The following CNTROB variants were observed in gnomAD, a reference collection of about 807,000 sequenced individuals.
CNTROB encodes the protein centrobin.
Under a neutral mutation model 115.7 loss-of-function variants are expected in CNTROB, and 82 were observed. The ratio of observed to expected loss-of-function variants is 0.71; its 90% CI spans 0.59 to 0.85. The LOEUF (loss-of-function observed/expected upper bound fraction) is 0.85, where lower values mean the gene tolerates loss of function less well. Among genes scored for constraint, CNTROB ranks in the 40% least tolerant of loss-of-function variants. The pLI, the probability that CNTROB is intolerant of heterozygous loss-of-function variation, is 0.00. For missense variants in CNTROB, 1,014 were observed against 1,144.4 expected (o/e 0.89, Z 1.64); for synonymous variants, 439 against 456.4 (o/e 0.96, Z 0.49).
At chr17:7,935,291 C>T in intron 4 of CNTROB, 146 bp downstream of exon 4, 2 of 1,250,452 alleles carry the variant, frequency 1.6e-6, no homozygotes, top group Non-Finnish European at 2.2e-6. Flanking sequence ...ATCACGAGGT[C>T]AGGAGATCGA....
intron 7 of CNTROB, among the ~76,000 whole-genome samples, chr17:7,938,562 C>T (rs934778829): frequency 4.6e-5 from 7 of 152,152 alleles, no homozygotes; most frequent in Non-Finnish European, 7.3e-5. Context: ...TTACTATGTG[C>T]CTGATGCCGT....
At position 7,935,130 on chromosome 17, in the gene CNTROB, G is replaced by A; in HGVS notation, c.579G>A (p.Glu193=). 1.2e-6 allele frequency: 2 copies of A among 1,613,434 alleles called. No homozygotes were observed. The highest frequency in any genetic ancestry group is 1.7e-6 in the Non-Finnish European group (2 of 1,179,982). ...FQGLRDALDS[E]HTRRKHCERH... ...GGCTGAGAGATGCATTGGATTCAGA[G>A]CATACCCGCCGCAAGGTAAGATGCA... The change falls in exon 4 of 19, where the codon GAG becomes GAA. Residue 193 remains glutamate, a synonymous_variant. Transcript: ENST00000563694.
At position 7,948,494 on chromosome 17, in the gene CNTROB, T is replaced by C; in HGVS notation, c.2388T>C (p.Asp796=). The part of the protein sequence containing the change: ...PSSGSPERGG[D]GLTFPRQLME... ...TATTGCGATGTCTGTCAGGTGGAGA[T>C]GGGCTTACATTCCCAAGGCAGCTGA... The change falls in exon 17 of 19, where the codon GAT becomes GAC. Residue 796 remains aspartate, a synonymous_variant. Transcript: ENST00000563694. This position sits in a 1 kb window ranked among gnomAD's most constrained non-coding sequence, Gnocchi z 4.4. The C allele has an allele frequency of 6.2e-7, 1 of 1,614,058 alleles. No homozygotes were observed. The highest frequency in any genetic ancestry group is 8.5e-7 in the Non-Finnish European group (1 of 1,180,010).
Position 7,944,334 on chromosome 17 carries a change from C to A in CNTROB, c.1571+86C>A. ...ACTGGGAACGGTGAAGAGCTGCTCC[C>A]TTGATTGATCTGTCCTCCTCTACAT... On this transcript the variant is annotated intron_variant, in intron 11 of 18. Coordinates refer to ENST00000563694, the MANE Select transcript of CNTROB (RefSeq NM_053051.5). This position sits in a 1 kb window ranked among gnomAD's most constrained non-coding sequence, Gnocchi z 4.0. The A allele has an allele frequency of 6.4e-7, 1 of 1,555,006 alleles. No homozygotes were observed. Among genetic ancestry groups the A allele is most frequent in the Non-Finnish European group, 8.9e-7 (1 of 1,126,890 alleles).
Position 7,949,696 on chromosome 17 carries a change from C to A in CNTROB, c.*186C>A, listed in dbSNP as rs1433567836. On this transcript the variant is annotated 3_prime_UTR_variant, in exon 19 of 19. Transcript: ENST00000563694. Reference sequence around the variant, plus strand: ...TATGTTACATGTTTATATGTCATTTCCTGTGGGAAAAGACATGAATGCTTT... The same window carrying A: ...TATGTTACATGTTTATATGTCATTTACTGTGGGAAAAGACATGAATGCTTT... The A allele has an allele frequency of 4.0e-6, 2 of 505,656 alleles. No individual in the cohort carries two copies. The highest frequency in any genetic ancestry group is 4.1e-5 in the Admixed American group (1 of 24,594). 31.3% of individuals were successfully genotyped at this position (505,656 alleles called of 1,614,324 possible). A position where few individuals can be genotyped will look rare whatever the true frequency, so the allele number is the denominator to read the frequency against.
At chr17:7,937,847 C>G (rs987101079) in intron 7 of CNTROB, among the ~76,000 whole-genome samples, 8 of 152,050 alleles carry the variant, frequency 5.3e-5, no homozygotes, top group Middle Eastern at 6.8e-3. Flanking sequence ...ATTTCTGGGA[C>G]TCACCTGCAG....
chr17:7,940,258 T>C lies in CNTROB; in HGVS notation c.1311+16T>C. 6.3e-7 allele frequency: 1 copy of C among 1,579,476 alleles called. No individual in the cohort carries two copies. The highest frequency in any genetic ancestry group is 2.3e-5 in the East Asian group (1 of 43,690). ...CTTGGTGCAGGTCAGAAGGCAGAGG[T>C]TTCTTGAGGTTTTGTTCTGACAGAA... On this transcript the variant is annotated intron_variant, in intron 9 of 18. Transcript: ENST00000563694.
In CNTROB at chr17:7,939,815, G is replaced by T; in HGVS notation, c.1164+66G>T. 1 of 1,431,652 alleles carries T rather than the reference G, an allele frequency of 7.0e-7. No individual in the cohort carries two copies. Among genetic ancestry groups the T allele is most frequent in the Non-Finnish European group, 9.8e-7 (1 of 1,018,138 alleles). 88.7% of individuals were successfully genotyped at this position (1,431,652 alleles called of 1,614,324 possible). ...GATGAAGGGCAAAATAATTGAATGG[G>T]ATGGAATGTTAGAATATGGGGGATA... On this transcript the variant is annotated intron_variant, in intron 8 of 18. Coordinates refer to ENST00000563694, the MANE Select transcript of CNTROB (RefSeq NM_053051.5). The surrounding 1 kb of genome is among the most constrained non-coding windows in gnomAD (Gnocchi z 4.4).
intron 14 of CNTROB, 56 bp downstream of exon 14, chr17:7,947,778 C>CT: frequency 1.2e-6 from 2 of 1,600,774 alleles, no homozygotes; most frequent in Non-Finnish European, 1.7e-6. Flanking sequence ...CTCCTTTCCT[C>CT]TTTCTGCTCT....
In CNTROB at chr17:7,948,095, G is replaced by T; in HGVS notation, c.2210-62G>T. On this transcript the variant is annotated intron_variant, in intron 15 of 18. Coordinates refer to ENST00000563694, the MANE Select transcript of CNTROB (RefSeq NM_053051.5). This position sits in a 1 kb window ranked among gnomAD's most constrained non-coding sequence, Gnocchi z 4.4. ...TAATAAAGCCTTATAAATGCTGGGTGGTGGGACTTCCTTGGTTCTATGCCC... is the reference window on the plus strand; with the variant it reads ...TAATAAAGCCTTATAAATGCTGGGTTGTGGGACTTCCTTGGTTCTATGCCC... 6.2e-7 allele frequency: 1 copy of T among 1,602,884 alleles called. No individual in the cohort carries two copies. Among genetic ancestry groups the T allele is most frequent in the South Asian group, 1.1e-5 (1 of 90,816 alleles).
At position 7,943,067 on chromosome 17, in the gene CNTROB, C is replaced by A. The variant is rs1299719321; in HGVS notation, c.1312-324C>A. On this transcript the variant is annotated intron_variant, in intron 9 of 18. Coordinates refer to ENST00000563694, the MANE Select transcript of CNTROB (RefSeq NM_053051.5). The surrounding 1 kb of genome is among the most constrained non-coding windows in gnomAD (Gnocchi z 4.7). Reference sequence around the variant, plus strand: ...CCGCCCGTCTCGGCCTCCCAAAGTGCTAGGATTACAGGCGTGAGCCACCGC... The same window carrying A: ...CCGCCCGTCTCGGCCTCCCAAAGTGATAGGATTACAGGCGTGAGCCACCGC... Among the ~76,000 whole-genome samples, 1 of 151,862 alleles carries A rather than the reference C, an allele frequency of 6.6e-6. No individual in the cohort carries two copies. The highest frequency in any genetic ancestry group is 1.5e-5 in the Non-Finnish European group (1 of 67,976).
chr17:7,934,201 A>G lies in CNTROB; in HGVS notation c.334A>G (p.Thr112Ala). ...VRGQLQTMLQ[T>A]SRDTAYRDPL... ...GGGTCAGCTCCAGACCATGCTCCAA[A>G]CCTCACGTGATACAGCCTATCGTGA... Residue 112 changes from threonine to alanine, a missense_variant, in exon 2 of 19, where the codon ACC becomes GCC. Thr to Ala is a moderately conservative substitution (Grantham distance 58). Transcript: ENST00000563694. 1 of 1,614,084 alleles carries G rather than the reference A, an allele frequency of 6.2e-7. No individual in the cohort carries two copies. The highest frequency in any genetic ancestry group is 2.2e-5 in the East Asian group (1 of 44,884).
chr17:7,938,843 A>G lies in CNTROB; in HGVS notation c.928-670A>G, dbSNP rs529877720. ...GCCCAGGCTAGGGTTCAGTGGCACAATCTTGGCTCACTGCAACCTCCGCCT... is the reference window on the plus strand; with the variant it reads ...GCCCAGGCTAGGGTTCAGTGGCACAGTCTTGGCTCACTGCAACCTCCGCCT... On this transcript the variant is annotated intron_variant, in intron 7 of 18. Transcript: ENST00000563694. Among the ~76,000 whole-genome samples the G allele has an allele frequency of 8.5e-5, 13 of 152,302 alleles. No individual in the cohort carries two copies. In the East Asian group the frequency reaches 2.1e-3, roughly 25 times the overall value.
intron 9 of CNTROB, among the ~76,000 whole-genome samples, chr17:7,942,357 G>A (rs1973973564): frequency 6.6e-6 from 1 of 152,044 alleles, no homozygotes; most frequent in Admixed American, 6.6e-5. Flanking sequence ...AATCTCTTTG[G>A]GAGACTGAGG....
In CNTROB at chr17:7,948,040, C is replaced by G; in HGVS notation, c.2209+61C>G. 6.3e-7 allele frequency: 1 copy of G among 1,599,154 alleles called. No individual in the cohort carries two copies. The highest frequency in any genetic ancestry group is 8.6e-7 in the Non-Finnish European group (1 of 1,166,850). ...CCTAGGAAAGATCGGAGTTGGTTAT[C>G]TAGGATGAATTTTTAGGAGCTGGCA... On this transcript the variant is annotated intron_variant, in intron 15 of 18. Transcript: ENST00000563694. The surrounding 1 kb of genome is among the most constrained non-coding windows in gnomAD (Gnocchi z 4.4).
At chr17:7,940,881 G>A (rs771608362) in intron 9 of CNTROB, among the ~76,000 whole-genome samples, 27 of 152,178 alleles carry the variant, frequency 1.8e-4, no homozygotes, top group Non-Finnish European at 4.0e-4. Flanking sequence ...AATATTTTTA[G>A]CTTTGTGGGT....
chr17:7,936,789 C>G lies in CNTROB; in HGVS notation c.800C>G (p.Ala267Gly). 1 of 1,469,058 alleles carries G rather than the reference C, an allele frequency of 6.8e-7. No individual in the cohort carries two copies. The highest frequency in any genetic ancestry group is 1.1e-5 in the South Asian group (1 of 88,198). The allele number at this position is 1,469,058 out of a possible 1,614,324, so 91.0% of individuals were successfully genotyped here. Residue 267 changes from alanine to glycine, a missense_variant, in exon 6 of 19, where the codon GCA becomes GGA. Physicochemically the swap from Ala to Gly is moderately conservative, Grantham distance 60. Coordinates refer to ENST00000563694, the MANE Select transcript of CNTROB (RefSeq NM_053051.5). ...LRGLQEEHQA[A>G]ELTRSKQQET... ...GGACTTCAAGAGGAACACCAGGCAGCAGAGCTCACCAGAAGCAAGCAGCAG... is the reference window on the plus strand; with the variant it reads ...GGACTTCAAGAGGAACACCAGGCAGGAGAGCTCACCAGAAGCAAGCAGCAG...
rs751960297 is a variant in CNTROB, at chr17:7,937,202, G to A, written c.867G>A (p.Met289Ile). 2.7e-5 allele frequency: 43 copies of A among 1,614,070 alleles called. 1 individual carries two copies. In the South Asian group the frequency reaches 4.5e-4, roughly 17 times the overall value. The change falls in exon 7 of 19, where the codon ATG becomes ATA. Residue 289 changes from methionine to isoleucine, a missense_variant. Physicochemically the swap from Met to Ile is conservative, Grantham distance 10 (BLOSUM62 1). Coordinates refer to ENST00000563694, the MANE Select transcript of CNTROB (RefSeq NM_053051.5). ...TRLEQSLSEA[M>I]EALNREQESA... ...TGGAACAAAGCCTTTCTGAGGCCAT[G>A]GAGGCCCTGAATCGTGAGCAGGAAA... is the stretch of plus-strand genomic sequence containing the variant.
chr17:7,941,614 A>AG (rs1443995705), intron 9 of CNTROB, among the ~76,000 whole-genome samples: 2 of 150,764 alleles, frequency 1.3e-5, no homozygotes, highest in African/African-American at 2.4e-5. Context: ...AAAAAAAAAA[A>AG]AAAGAATTGA....
Sources: allele counts gnomAD v4.1 joint callset (sites outside exome capture counted in the v4.1 genomes callset), GRCh38; gene constraint gnomAD v4.1.1; non-coding constraint Gnocchi (gnomAD v3.1); transcripts MANE v1.5; gene names NCBI Gene and HGNC (gene_info 2026-07-23, HGNC 2026-07-21).